DPYSL3: variants seen among roughly 807,000 people sequenced by gnomAD.
DPYSL3 encodes the protein dihydropyrimidinase-related protein 3.
In DPYSL3, 16 loss-of-function variants were observed where a neutral mutation model predicts 66.1. That is an observed-to-expected ratio of 0.24 (90% confidence interval 0.16 to 0.37). The LOEUF (loss-of-function observed/expected upper bound fraction) is 0.37, where lower values mean the gene tolerates loss of function less well. Among genes scored for constraint, DPYSL3 ranks in the 10% least tolerant of loss-of-function variants. The pLI, the probability that DPYSL3 is intolerant of heterozygous loss-of-function variation, is 1.00. For synonymous variants in DPYSL3, 338 were observed against 345.1 expected (o/e 0.98, Z 0.23); for missense variants, 738 against 916.2 (o/e 0.81, Z 2.51).
At chr5:147,494,955 A>G (rs1460055156) in intron 1 of DPYSL3, among the ~76,000 whole-genome samples, 1 of 151,772 alleles carries the variant, frequency 6.6e-6, no homozygotes, top group Non-Finnish European at 1.5e-5. Flanking sequence ...GATAAACTAG[A>G]TGAAAAGAGC....
chr5:147,497,932 T>G (rs1013688267), intron 1 of DPYSL3, among the ~76,000 whole-genome samples: 3 of 150,920 alleles, frequency 2.0e-5, no homozygotes, highest in Admixed American at 2.0e-4. Context: ...CTCTCTCTCT[T>G]TCTCTTTCTT....
At chr5:147,501,478 A>ATTTTTTTTTT (rs749216433) in intron 1 of DPYSL3, among the ~76,000 whole-genome samples, 1 of 91,082 alleles carries the variant, frequency 1.1e-5, no homozygotes, top group African/African-American at 4.4e-5. Flanking sequence ...GGTGATAATG[A>ATTTTTTTTTT]TTTTTTTTTT....
chr5:147,470,168 C>T (rs1352230656), intron 1 of DPYSL3, among the ~76,000 whole-genome samples: 1 of 152,158 alleles, frequency 6.6e-6, no homozygotes, highest in African/African-American at 2.4e-5. Context: ...TCCATTGAGG[C>T]AGCCTTCTCC....
intron 1 of DPYSL3, among the ~76,000 whole-genome samples, chr5:147,461,237 C>T (rs1306039309): frequency 6.6e-6 from 1 of 152,182 alleles, no homozygotes; most frequent in Non-Finnish European, 1.5e-5. Flanking sequence ...AGAGAACCAT[C>T]TGCATAAAAA....
chr5:147,397,884 A>AGAGAAAGAG (rs1554112142), intron 11 of DPYSL3, 39 bp from the exon 12 acceptor site: 4 of 1,552,956 alleles, frequency 2.6e-6, no homozygotes, highest in Middle Eastern at 2.3e-4. Context: ...CAGTAAGGGT[A>AGAGAAAGAG]GAGAAAGAGG....
At chr5:147,451,656 C>A (rs1233624888) in intron 1 of DPYSL3, among the ~76,000 whole-genome samples, 2 of 152,156 alleles carry the variant, frequency 1.3e-5, no homozygotes, top group Non-Finnish European at 2.9e-5. Flanking sequence ...CGGTTCTCTG[C>A]CTATCCCAAA....
chr5:147,413,537 TCAA>T (rs1259366476), intron 5 of DPYSL3, 56 bp downstream of exon 5: 13 of 1,377,946 alleles, frequency 9.4e-6, no homozygotes, highest in South Asian at 6.0e-5. Context: ...GCCAAGGTCA[TCAA>T]CAACAATAGG....
intron 1 of DPYSL3, among the ~76,000 whole-genome samples, chr5:147,503,357 A>T (rs1010285184): frequency 3.3e-5 from 5 of 152,198 alleles, no homozygotes; most frequent in African/African-American, 4.8e-5. Flanking sequence ...CGCCTCTTCC[A>T]GTCATGGCTG....
At chr5:147,493,958 T>C (rs1753458389) in intron 1 of DPYSL3, among the ~76,000 whole-genome samples, 2 of 152,108 alleles carry the variant, frequency 1.3e-5, no homozygotes, top group African/African-American at 2.4e-5. Context: ...TTTGGGAGGC[T>C]GAGGCAGGTG....
chr5:147,434,023 C>T (rs1049109542), intron 1 of DPYSL3, among the ~76,000 whole-genome samples: 9 of 114,560 alleles, frequency 7.9e-5, no homozygotes, highest in Non-Finnish European at 1.5e-4. Flanking sequence ...AGCAAAACTC[C>T]GTCTCAAAAA....
At chr5:147,398,379 C>T (rs1282869196) in intron 11 of DPYSL3, among the ~76,000 whole-genome samples, 3 of 152,180 alleles carry the variant, frequency 2.0e-5, no homozygotes, top group Non-Finnish European at 4.4e-5. Context: ...GCTAGCTTCA[C>T]CATTCGCTTG....
intron 1 of DPYSL3, among the ~76,000 whole-genome samples, chr5:147,485,132 G>T (rs6889353): frequency 6.6e-6 from 1 of 152,174 alleles, no homozygotes; most frequent in Non-Finnish European, 1.5e-5. Context: ...CCACAGCATC[G>T]TAGAAAATGT....
intron 1 of DPYSL3, among the ~76,000 whole-genome samples, chr5:147,476,610 A>G (rs150224655): frequency 2.3e-4 from 35 of 152,300 alleles, no homozygotes; most frequent in African/African-American, 6.0e-4. Context: ...AGAGACTTCC[A>G]TGTAAATTTT....
At chr5:147,462,611 T>C (rs1752950072) in intron 1 of DPYSL3, among the ~76,000 whole-genome samples, 1 of 152,064 alleles carries the variant, frequency 6.6e-6, no homozygotes, top group Non-Finnish European at 1.5e-5. Flanking sequence ...GCCTGGTAGG[T>C]CTCTTCAGGT....
intron 1 of DPYSL3, among the ~76,000 whole-genome samples, chr5:147,435,344 T>A (rs1283140775): frequency 1.3e-5 from 2 of 152,238 alleles, no homozygotes; most frequent in Non-Finnish European, 2.9e-5. Context: ...TGTTGTTCAA[T>A]CAATCTTCAA....
intron 1 of DPYSL3, among the ~76,000 whole-genome samples, chr5:147,502,777 C>A (rs1200621924): frequency 6.6e-6 from 1 of 152,048 alleles, no homozygotes; most frequent in Non-Finnish European, 1.5e-5. Context: ...GAGGTTTCAC[C>A]GTGTTAGCCA....
chr5:147,442,363 A>G (rs1752549178), intron 1 of DPYSL3, among the ~76,000 whole-genome samples: 1 of 152,194 alleles, frequency 6.6e-6, no homozygotes, highest in South Asian at 2.1e-4. Flanking sequence ...GGCGGTGAGA[A>G]AACAAATGTG....
intron 6 of DPYSL3, among the ~76,000 whole-genome samples, chr5:147,412,325 A>G (rs748668061): frequency 2.0e-5 from 3 of 152,190 alleles, no homozygotes; most frequent in Non-Finnish European, 4.4e-5. Flanking sequence ...CTCCCATTAA[A>G]TGTTCCAATT....
intron 6 of DPYSL3, among the ~76,000 whole-genome samples, chr5:147,411,241 G>A (rs1158125822): frequency 6.6e-6 from 1 of 152,172 alleles, no homozygotes; most frequent in Non-Finnish European, 1.5e-5. Flanking sequence ...AGTGCTGTCA[G>A]GGTCCTGACT....
Sources: gnomAD v4.1 joint callset for allele counts (sites outside exome capture counted in the v4.1 genomes callset) on GRCh38, gnomAD v4.1.1 for gene constraint, MANE v1.5 for transcripts, NCBI Gene and HGNC (gene_info 2026-07-23, HGNC 2026-07-21) for gene names.